PLCB4: variants seen among roughly 807,000 people sequenced by gnomAD.
PLCB4 encodes the protein 1-phosphatidylinositol 4,5-bisphosphate phosphodiesterase beta-4.
In PLCB4, 77 loss-of-function variants were observed where a neutral mutation model predicts 178.8. The ratio of observed to expected loss-of-function variants is 0.43; its 90% CI spans 0.36 to 0.52. PLCB4 has a LOEUF of 0.52. PLCB4 is among the 20% of genes least tolerant of loss of function. PLCB4 has a pLI of 0.00. For missense variants in PLCB4, 1,024 were observed against 1,453.4 expected (o/e 0.70, Z 4.80); for synonymous variants, 496 against 490.8 (o/e 1.01, Z -0.14).
At chr20:9,384,597 G>T (rs974280569) in intron 14 of PLCB4, among the ~76,000 whole-genome samples, 186 bp downstream of exon 14, 4 of 152,156 alleles carry the variant, frequency 2.6e-5, no homozygotes, top group Admixed American at 2.0e-4. Flanking sequence ...AAAATCTTCA[G>T]TCATCCAAAA....
At chr20:9,270,965 C>T (rs1601536467) in intron 3 of PLCB4, among the ~76,000 whole-genome samples, 1 of 152,118 alleles carries the variant, frequency 6.6e-6, no homozygotes, top group African/African-American at 2.4e-5. Flanking sequence ...TTCTTCCAGA[C>T]AAATTTCAGC....
chr20:9,283,711 A>G (rs377174349), intron 3 of PLCB4, among the ~76,000 whole-genome samples: 3 of 151,926 alleles, frequency 2.0e-5, no homozygotes, highest in East Asian at 3.9e-4. Context: ...TTGTTAGGAT[A>G]GAGTCTGTGT....
intron 2 of PLCB4, among the ~76,000 whole-genome samples, chr20:9,175,448 A>T (rs2093138704): frequency 6.6e-6 from 1 of 152,152 alleles, no homozygotes; most frequent in African/African-American, 2.4e-5. Context: ...TGTCCAAGTA[A>T]CCTTATTTCA....
chr20:9,252,460 G>A (rs1196103434), intron 3 of PLCB4, among the ~76,000 whole-genome samples: 1 of 152,122 alleles, frequency 6.6e-6, no homozygotes. Flanking sequence ...ATTTAATGTG[G>A]GAACTTTAGA....
chr20:9,312,648 A>T (rs2094850526), intron 4 of PLCB4, among the ~76,000 whole-genome samples: 1 of 152,136 alleles, frequency 6.6e-6, no homozygotes, highest in Non-Finnish European at 1.5e-5. Context: ...TTCCAAATAC[A>T]ATTTTCAAAA....
intron 21 of PLCB4, among the ~76,000 whole-genome samples, chr20:9,405,943 T>C (rs1178106308): frequency 6.6e-6 from 1 of 152,188 alleles, no homozygotes; most frequent in Non-Finnish European, 1.5e-5. Flanking sequence ...TTGCTGCCTG[T>C]GGGGTCCTAT....
chr20:9,354,553 G>T (rs1360567423), intron 7 of PLCB4, among the ~76,000 whole-genome samples: 3 of 152,192 alleles, frequency 2.0e-5, no homozygotes, highest in Non-Finnish European at 4.4e-5. Flanking sequence ...GCCTGAGAAT[G>T]GGCACTTCCG....
chr20:9,208,764 C>T (rs1245473650), intron 2 of PLCB4, among the ~76,000 whole-genome samples: 1 of 152,118 alleles, frequency 6.6e-6, no homozygotes. Flanking sequence ...TGATCTCAAA[C>T]TTCTGGGCCT....
intron 1 of PLCB4, among the ~76,000 whole-genome samples, chr20:9,089,715 A>G (rs1207360455): frequency 1.3e-5 from 2 of 152,160 alleles, no homozygotes; most frequent in Admixed American, 6.6e-5. Flanking sequence ...AGATATTTGT[A>G]TACTATTTGG....
chr20:9,274,758 G>A (rs1476847766), intron 3 of PLCB4, among the ~76,000 whole-genome samples: 2 of 152,042 alleles, frequency 1.3e-5, no homozygotes, highest in South Asian at 4.1e-4. Context: ...GTTCTAGAGA[G>A]CAGATAAAGA....
chr20:9,186,917 A>G (rs1056623455), intron 2 of PLCB4, among the ~76,000 whole-genome samples: 9 of 152,090 alleles, frequency 5.9e-5, no homozygotes, highest in Non-Finnish European at 1.3e-4. Context: ...TGCCCTGGCC[A>G]CAGTGACCCT....
chr20:9,407,861 A>G (rs1304018754), intron 21 of PLCB4, 56 bp from the exon 22 acceptor site: 2 of 1,484,656 alleles, frequency 1.3e-6, no homozygotes, highest in Non-Finnish European at 1.8e-6. Context: ...TGCAGCACGT[A>G]TCCGTGGGTC....
chr20:9,468,067 G>A (rs2043917904), intron 35 of PLCB4, among the ~76,000 whole-genome samples: 1 of 152,110 alleles, frequency 6.6e-6, no homozygotes, highest in Non-Finnish European at 1.5e-5. Flanking sequence ...GTGATGGTTA[G>A]AACATTTTCT....
intron 13 of PLCB4, among the ~76,000 whole-genome samples, chr20:9,381,570 A>G (rs2037145980): frequency 1.3e-5 from 2 of 152,178 alleles, no homozygotes; most frequent in Non-Finnish European, 2.9e-5. Context: ...GTCCTTGTTT[A>G]TTTCCAAATT....
At chr20:9,157,082 G>C (rs2092804901) in intron 2 of PLCB4, among the ~76,000 whole-genome samples, 1 of 151,824 alleles carries the variant, frequency 6.6e-6, no homozygotes, top group Non-Finnish European at 1.5e-5. Flanking sequence ...GCTAAATGGA[G>C]TGGAGTGAAG....
At chr20:9,209,741 A>C (rs898779239) in intron 2 of PLCB4, among the ~76,000 whole-genome samples, 3 of 152,084 alleles carry the variant, frequency 2.0e-5, no homozygotes, top group African/African-American at 7.2e-5. Context: ...TAGCCTTGTA[A>C]GATGCTGAGC....
At chr20:9,467,200 GTTC>G (rs1568902900) in intron 35 of PLCB4, among the ~76,000 whole-genome samples, 1 of 152,160 alleles carries the variant, frequency 6.6e-6, no homozygotes, top group African/African-American at 2.4e-5. Flanking sequence ...AACACCGTAT[GTTC>G]TTACTCATAG....
At chr20:9,369,596 A>G (rs2036071572) in intron 9 of PLCB4, among the ~76,000 whole-genome samples, 1 of 152,342 alleles carries the variant, frequency 6.6e-6, no homozygotes, top group South Asian at 2.1e-4. Context: ...TTATATTTGA[A>G]TACAACTGTC....
intron 2 of PLCB4, among the ~76,000 whole-genome samples, chr20:9,130,227 GT>G (rs2092237592): frequency 6.6e-6 from 1 of 152,068 alleles, no homozygotes; most frequent in African/African-American, 2.4e-5. Flanking sequence ...TAGGAGATTA[GT>G]TTAAGTATTT....
Sources: allele counts gnomAD v4.1 joint callset (sites outside exome capture counted in the v4.1 genomes callset), GRCh38; gene constraint gnomAD v4.1.1; transcripts MANE v1.5; gene names NCBI Gene and HGNC (gene_info 2026-07-23, HGNC 2026-07-21).